The following WDR70 variants were observed in gnomAD, a reference collection of about 807,000 sequenced individuals.
The protein encoded by WDR70 is WD repeat domain 70, also known as WD repeat-containing protein 70.
WDR70 carries 53 observed loss-of-function variants against 88.6 expected under a neutral mutation model. The ratio of observed to expected loss-of-function variants is 0.60; its 90% CI spans 0.48 to 0.75. WDR70 has a LOEUF of 0.75. Among genes scored for constraint, WDR70 ranks in the 30% least tolerant of loss-of-function variants. WDR70 has a pLI of 0.00. For missense variants in WDR70, 610 were observed against 823.2 expected (o/e 0.74, Z 3.17); for synonymous variants, 280 against 270.0 (o/e 1.04, Z -0.36).
intron 5 of WDR70, among the ~76,000 whole-genome samples, chr5:37,401,974 TAAAC>T (rs1448114218): frequency 6.6e-6 from 1 of 152,172 alleles, no homozygotes; most frequent in Non-Finnish European, 1.5e-5. Context: ...AAATATGGAG[TAAAC>T]AGTTGTTAAC....
At chr5:37,738,424 G>T (rs1385274010) in intron 17 of WDR70, among the ~76,000 whole-genome samples, 1 of 152,184 alleles carries the variant, frequency 6.6e-6, no homozygotes, top group Non-Finnish European at 1.5e-5. Flanking sequence ...TAATTAAAAA[G>T]AATTTGACCT....
intron 10 of WDR70, among the ~76,000 whole-genome samples, chr5:37,621,365 T>G (rs552464483): frequency 1.3e-5 from 2 of 152,120 alleles, no homozygotes; most frequent in Non-Finnish European, 1.5e-5. Context: ...ATACAGTCGT[T>G]GATATTTAGT....
At chr5:37,657,651 C>T (rs182909984) in intron 10 of WDR70, among the ~76,000 whole-genome samples, 25 of 152,270 alleles carry the variant, frequency 1.6e-4, no homozygotes, top group Non-Finnish European at 1.8e-4. Flanking sequence ...GCCGATGTCA[C>T]CCTGGGCATC....
At chr5:37,677,276 G>A (rs1746258472) in intron 10 of WDR70, among the ~76,000 whole-genome samples, 1 of 151,842 alleles carries the variant, frequency 6.6e-6, no homozygotes, top group Non-Finnish European at 1.5e-5. Flanking sequence ...CCTTCTGCTA[G>A]CTTTTGAATG....
intron 5 of WDR70, among the ~76,000 whole-genome samples, chr5:37,427,258 G>A (rs1239494965): frequency 1.3e-5 from 2 of 151,776 alleles, no homozygotes; most frequent in Non-Finnish European, 2.9e-5. Context: ...GCGTGGTGGC[G>A]GGCGCCTGTA....
At chr5:37,574,250 G>A (rs1415306027) in intron 9 of WDR70, among the ~76,000 whole-genome samples, 1 of 152,280 alleles carries the variant, frequency 6.6e-6, no homozygotes, top group South Asian at 2.1e-4. Flanking sequence ...TTATTGGCTA[G>A]GGAAGTATTT....
At position 37,453,519 on chromosome 5, in the gene WDR70, C is replaced by T. The variant is rs111871559; in HGVS notation, c.686+10147C>T. ...CCTTTAAGCAGTTTTCTGCCCTGGG[C>T]GGGCCAGGTGTTCCTTGCCCTCATT... On this transcript the variant is annotated intron_variant, in intron 7 of 17. Coordinates refer to ENST00000265107, the MANE Select transcript of WDR70 (RefSeq NM_018034.4). Among the ~76,000 whole-genome samples, 1,138 of 152,052 alleles carry T rather than the reference C, an allele frequency of 7.5e-3. 17 individuals are homozygous for T. The highest frequency in any genetic ancestry group is 0.025 in the African/African-American group (1,051 of 41,362).
At chr5:37,636,939 T>C (rs1271329405) in intron 10 of WDR70, among the ~76,000 whole-genome samples, 1 of 152,232 alleles carries the variant, frequency 6.6e-6, no homozygotes, top group Non-Finnish European at 1.5e-5. Flanking sequence ...TCTTCTGTTT[T>C]TTTTGATAAT....
At chr5:37,516,373 T>C in intron 8 of WDR70, 141 bp from the exon 9 acceptor site, 2 of 487,914 alleles carry the variant, frequency 4.1e-6, no homozygotes, top group Non-Finnish European at 7.4e-6. Context: ...TGGGATAAAA[T>C]AATATAGGTT....
intron 9 of WDR70, among the ~76,000 whole-genome samples, chr5:37,559,481 G>A (rs944679201): frequency 1.3e-5 from 2 of 151,844 alleles, no homozygotes; most frequent in African/African-American, 2.4e-5. Context: ...GCATATTCCT[G>A]TAAAGTTTTA....
intron 7 of WDR70, among the ~76,000 whole-genome samples, chr5:37,456,955 A>C (rs1284395921): frequency 6.6e-6 from 1 of 152,250 alleles, no homozygotes; most frequent in African/African-American, 2.4e-5. Flanking sequence ...TCATTAATAA[A>C]GAAGGAAAAA....
At chr5:37,534,799 C>T (rs1741613082) in intron 9 of WDR70, among the ~76,000 whole-genome samples, 1 of 152,142 alleles carries the variant, frequency 6.6e-6, no homozygotes, top group South Asian at 2.1e-4. Flanking sequence ...CTTTCTTCAG[C>T]CATAGTTCTG....
chr5:37,715,586 A>T (rs1027735180), intron 13 of WDR70, among the ~76,000 whole-genome samples: 4 of 152,150 alleles, frequency 2.6e-5, no homozygotes, highest in African/African-American at 9.7e-5. Context: ...CTTCAGAGGG[A>T]TGAAGCCAAG....
chr5:37,569,477 T>C (rs1288812807), intron 9 of WDR70, among the ~76,000 whole-genome samples: 2 of 152,244 alleles, frequency 1.3e-5, no homozygotes, highest in African/African-American at 4.8e-5. Context: ...GTTGTTTTAA[T>C]GTCCTTTGAT....
chr5:37,428,365 A>G (rs1216586599), intron 5 of WDR70, among the ~76,000 whole-genome samples: 1 of 152,244 alleles, frequency 6.6e-6, no homozygotes, highest in East Asian at 1.9e-4. Flanking sequence ...AATCACTACT[A>G]CAATCAAGAT....
chr5:37,670,211 AAAAG>A (rs1745984638), intron 10 of WDR70, among the ~76,000 whole-genome samples: 1 of 141,178 alleles, frequency 7.1e-6, no homozygotes, highest in African/African-American at 2.5e-5. Flanking sequence ...ATATCAAAAG[AAAAG>A]AAAAAAAGGG....
chr5:37,488,546 C>T (rs1739965979), intron 8 of WDR70, among the ~76,000 whole-genome samples: 1 of 130,352 alleles, frequency 7.7e-6, no homozygotes. Flanking sequence ...AAAGACCTGT[C>T]TTCAAGTTCT....
chr5:37,419,429 C>T (rs542725101), intron 5 of WDR70, among the ~76,000 whole-genome samples: 119 of 151,064 alleles, frequency 7.9e-4, no homozygotes, highest in Admixed American at 1.6e-3. Flanking sequence ...TGGTCTTGAA[C>T]TCCTGACCTG....
At chr5:37,629,373 C>T (rs1744752907) in intron 10 of WDR70, among the ~76,000 whole-genome samples, 1 of 152,112 alleles carries the variant, frequency 6.6e-6, no homozygotes, top group African/African-American at 2.4e-5. Flanking sequence ...ATGATTTCCT[C>T]ACCTTTACCC....
Sources: allele counts gnomAD v4.1 joint callset (sites outside exome capture counted in the v4.1 genomes callset), GRCh38; gene constraint gnomAD v4.1.1; transcripts MANE v1.5; gene names NCBI Gene and HGNC (gene_info 2026-07-23, HGNC 2026-07-21).